Variants in TRMT6 observed in about 807,000 individuals in gnomAD.
The protein encoded by TRMT6 is tRNA methyltransferase 6 non-catalytic subunit, also known as tRNA (adenine(58)-N(1))-methyltransferase non-catalytic subunit TRM6.
TRMT6 carries 34 observed loss-of-function variants against 59.0 expected under a neutral mutation model. That is an observed-to-expected ratio of 0.58 (90% CI 0.44 to 0.77). The LOEUF is 0.77. Among genes scored for constraint, TRMT6 ranks in the 30% least tolerant of loss-of-function variants. The pLI is 0.00. For synonymous variants in TRMT6, 217 were observed against 210.5 expected (o/e 1.03, Z -0.27); for missense variants, 575 against 604.5 (o/e 0.95, Z 0.51).
At position 5,941,505 on chromosome 20, in the gene TRMT6, G is replaced by C. The variant is rs1332185481; in HGVS notation, c.1113-160C>G. ...GAAATCCAAAACAGAATACAATCAT[G>C]AGCTATTTCTTTCTAGGAAACGCGA... is the stretch of plus-strand genomic sequence containing the variant. On this transcript the variant is annotated intron_variant, in intron 8 of 10. Coordinates refer to ENST00000203001, the MANE Select transcript of TRMT6 (RefSeq NM_015939.5). The C allele has an allele frequency of 1.3e-5, 8 of 626,040 alleles. No homozygotes were observed. The East Asian group carries it at 2.2e-4, about 17-fold the overall frequency. 38.8% of individuals were successfully genotyped at this position (626,040 alleles called of 1,614,324 possible).
chr20:5,939,438 G>A (rs141766410), intron 10 of TRMT6, among the ~76,000 whole-genome samples: 10,129 of 149,284 alleles, frequency 0.068, 643 homozygotes, highest in East Asian at 0.24. Context: ...CCAAGATCGC[G>A]CCACTGCACC....
Position 5,946,442 on chromosome 20 carries a change from G to C in TRMT6, c.220C>G (p.Leu74Val). 1.2e-6 allele frequency: 2 copies of C among 1,614,132 alleles called. No individual in the cohort carries two copies. Among genetic ancestry groups the C allele is most frequent in the Non-Finnish European group, 1.7e-6 (2 of 1,180,020 alleles). ...TCTTCCCTCTTCTTCTTGGGCTGTA[G>C]ACTTCCTCCACTGGTCACTTCAAAT... ...TAFEVTSGGS[L>V]QPKKKREEPT... The change falls in exon 2 of 11, where the codon CTA becomes GTA. Residue 74 changes from leucine to valine, a missense_variant. Leu to Val is a conservative substitution (Grantham distance 32, BLOSUM62 1). Coordinates refer to ENST00000203001, the MANE Select transcript of TRMT6 (RefSeq NM_015939.5).
Position 5,942,719 on chromosome 20 carries a change from T to C in TRMT6, c.735A>G (p.Gly245=). 1 of 1,613,504 alleles carries C rather than the reference T, an allele frequency of 6.2e-7. No individual in the cohort carries two copies. The highest frequency in any genetic ancestry group is 1.3e-5 in the African/African-American group (1 of 74,848). Residue 245 remains glycine (G), a synonymous_variant, in exon 7 of 11, where the codon GGA becomes GGG. Transcript: ENST00000203001. ...GACCACTGAGAAAAGATTTGGGAAA[T>C]CCAAAACATGCTGTTGCTGCCCGAA... The part of the protein sequence containing the change: ...GPVRAATACF[G]FPKSFLSGLY...
chr20:5,949,940 G>A (rs1212251927), intron 1 of TRMT6, among the ~76,000 whole-genome samples: 1 of 152,092 alleles, frequency 6.6e-6, no homozygotes, highest in Admixed American at 6.6e-5. Context: ...GTGTGGAGAG[G>A]GAGGCATTGG....
In TRMT6 at chr20:5,944,733, T is replaced by C; in HGVS notation, c.366+72A>G. 6 of 1,158,784 alleles carry C rather than the reference T, an allele frequency of 5.2e-6. No individual in the cohort carries two copies. In the South Asian group the frequency reaches 7.8e-5, roughly 15 times the overall value. 71.8% of individuals were successfully genotyped at this position (1,158,784 alleles called of 1,614,324 possible). On this transcript the variant is annotated intron_variant, in intron 3 of 10. Transcript: ENST00000203001. ...TTTTTGTTTTACCTTAGGTACAGTC[T>C]GCTTTAAAAACCCAACAGTTTCCTA...
At chr20:5,950,239 T>TG (rs2030290757) in intron 1 of TRMT6, 39 bp downstream of exon 1, 1 of 1,514,190 alleles carries the variant, frequency 6.6e-7, no homozygotes, top group African/African-American at 1.5e-5. Context: ...ATCTACAAGG[T>TG]GGGGGCGGGA....
chr20:5,942,337 T>A (rs2088663894), intron 7 of TRMT6, 91 bp downstream of exon 7: 2 of 1,170,652 alleles, frequency 1.7e-6, no homozygotes, highest in African/African-American at 3.0e-5. Flanking sequence ...TGGGAGCTAA[T>A]ACACCAAAGC....
rs1247495673 is a variant in TRMT6 at position 5,938,330 on chromosome 20, A to ACATAT, written c.*204_*205insATATG. 3.7e-6 allele frequency: 2 copies of ACATAT among 534,648 alleles called. No homozygotes were observed. The highest frequency in any genetic ancestry group is 3.7e-5 in the African/African-American group (2 of 53,350). The allele number at this position is 534,648 out of a possible 1,614,324, so 33.1% of individuals were successfully genotyped here. A position where few individuals can be genotyped will look rare whatever the true frequency, so the allele number is the denominator to read the frequency against. ...TTTGTTAAATGCAGTTGGTCATACT[A>ACATAT]CATACCCCATGGTTGCAGTTTTGAC... On this transcript the variant is annotated 3_prime_UTR_variant, in exon 11 of 11. Coordinates refer to ENST00000203001, the MANE Select transcript of TRMT6 (RefSeq NM_015939.5).
chr20:5,943,110 G>A (rs926125920), intron 6 of TRMT6, among the ~76,000 whole-genome samples: 2 of 152,142 alleles, frequency 1.3e-5, no homozygotes, highest in Admixed American at 1.3e-4. Context: ...TCCTCAAATG[G>A]AGCAGTTACA....
rs933343202 is a variant in TRMT6, at chr20:5,944,251, T to C, written c.369A>G (p.Glu123=). The part of the protein sequence containing the change: ...ALKDKGIKGE[E]IVQQLIENST... Reference sequence around the variant, plus strand: ...TATTTTCAATTAACTGCTGAACTATTTCCTATAAGAAAAGGAGCAAGTAGA... The same window carrying C: ...TATTTTCAATTAACTGCTGAACTATCTCCTATAAGAAAAGGAGCAAGTAGA... Residue 123 remains glutamate (E), a splice_region_variant and synonymous_variant, in exon 4 of 11, where the codon GAA becomes GAG. Coordinates refer to ENST00000203001, the MANE Select transcript of TRMT6 (RefSeq NM_015939.5). 7.8e-6 allele frequency: 12 copies of C among 1,539,184 alleles called. No homozygotes were observed. The highest frequency in any genetic ancestry group is 1.1e-5 in the Non-Finnish European group (12 of 1,138,814).
rs2088627530 is a variant in TRMT6 at position 5,938,577 on chromosome 20, C to A, written c.1452G>T (p.Glu484Asp). The change falls in exon 11 of 11, where the codon GAG becomes GAT. Residue 484 changes from glutamate (E) to aspartate (D), a missense_variant. Physicochemically the swap from Glu to Asp is conservative, Grantham distance 45. Coordinates refer to ENST00000203001, the MANE Select transcript of TRMT6 (RefSeq NM_015939.5). The stretch of plus-strand genomic sequence containing the variant: ...GGCATTTTCGTTTTTTAGCTGCAGG[C>A]TCCTCAGTCTCGTGTGATTCTAAAG... Reference protein sequence around the residue: ...ASTLESHETEEPAAKKRKCPE... With the variant: ...ASTLESHETEDPAAKKRKCPE... 1 of 1,614,118 alleles carries A rather than the reference C, an allele frequency of 6.2e-7. No individual in the cohort carries two copies. The highest frequency in any genetic ancestry group is 8.5e-7 in the Non-Finnish European group (1 of 1,179,984).
In TRMT6 at chr20:5,942,408, G is replaced by T; in HGVS notation, c.1026+20C>A. On this transcript the variant is annotated intron_variant, in intron 7 of 10. Coordinates refer to ENST00000203001, the MANE Select transcript of TRMT6 (RefSeq NM_015939.5). ...AGGGACTGAGATTATGGGGGTGGTG[G>T]GGACTCTTGGCATCCTTACATAATC... The T allele has an allele frequency of 6.3e-7, 1 of 1,595,340 alleles. No individual in the cohort carries two copies. The highest frequency in any genetic ancestry group is 8.6e-7 in the Non-Finnish European group (1 of 1,163,392).
At chr20:5,950,054 G>A (rs1293746592) in intron 1 of TRMT6, among the ~76,000 whole-genome samples, 4 of 152,074 alleles carry the variant, frequency 2.6e-5, no homozygotes, top group African/African-American at 4.8e-5. Context: ...AGGGGGCTCC[G>A]GGAAAAACAG....
rs748972112 is a variant in TRMT6 at position 5,950,350 on chromosome 20, C to A, written c.56G>T (p.Arg19Leu). The A allele has an allele frequency of 6.2e-6, 10 of 1,611,786 alleles. No homozygotes were observed. The highest frequency in any genetic ancestry group is 8.5e-6 in the Non-Finnish European group (10 of 1,179,910). The change falls in exon 1 of 11, where the codon CGC becomes CTC. Residue 19 changes from arginine to leucine, a missense_variant. Physicochemically the swap from Arg to Leu is moderately radical, Grantham distance 102. Transcript: ENST00000203001. ...CACCACGAAGTCGCCGTCGCGGATG[C>A]GGTGGTCTCCGGGATGCTGTGGTTG... is the stretch of plus-strand genomic sequence containing the variant. Reference protein sequence around the residue: ...GPQPQHPGDHRIRDGDFVVLK... With the variant: ...GPQPQHPGDHLIRDGDFVVLK...
In TRMT6 at chr20:5,938,366, C is replaced by A; in HGVS notation, c.*169G>T. 1 of 677,836 alleles carries A rather than the reference C, an allele frequency of 1.5e-6. No homozygotes were observed. Among genetic ancestry groups the A allele is most frequent in the Non-Finnish European group, 2.4e-6 (1 of 417,564 alleles). 42.0% of individuals were successfully genotyped at this position (677,836 alleles called of 1,614,324 possible). A position where few individuals can be genotyped will look rare whatever the true frequency, so the allele number is the denominator to read the frequency against. Reference sequence around the variant, plus strand: ...GGTTGCAGTTTTGACAGACCAAATGCATCTGTGTCAGAAATAGACAAAAGG... The same window carrying A: ...GGTTGCAGTTTTGACAGACCAAATGAATCTGTGTCAGAAATAGACAAAAGG... On this transcript the variant is annotated 3_prime_UTR_variant, in exon 11 of 11. Coordinates refer to ENST00000203001, the MANE Select transcript of TRMT6 (RefSeq NM_015939.5).
intron 7 of TRMT6, 40 bp from the exon 8 acceptor site, chr20:5,942,076 T>C: frequency 3.9e-6 from 6 of 1,528,084 alleles, no homozygotes; most frequent in Non-Finnish European, 4.5e-6. Flanking sequence ...ACTGGGGTCT[T>C]TCAGTCAAAT....
rs1398695315 is a variant in TRMT6, at chr20:5,938,693, TCAG to T, written c.1333_1335del (p.Leu445del). ...AGAAGATAACCCCCACCTCCACTCA[TCAG>T]CAGTTTAGGATGACTTCGATCTGGC... On this transcript the variant is annotated inframe_deletion, in exon 11 of 11. Coordinates refer to ENST00000203001, the MANE Select transcript of TRMT6 (RefSeq NM_015939.5). 1 of 1,614,186 alleles carries T rather than the reference TCAG, an allele frequency of 6.2e-7. No homozygotes were observed.
In TRMT6 at chr20:5,938,733, A is replaced by G; in HGVS notation, c.1303-7T>C. The stretch of plus-strand genomic sequence containing the variant: ...GACTTCGATCTGGCAAAACCTAATC[A>G]AGACAGAAAAGACATTCATGCTTTC... On this transcript the variant is annotated splice_polypyrimidine_tract_variant and splice_region_variant and intron_variant, in intron 10 of 10. Coordinates refer to ENST00000203001, the MANE Select transcript of TRMT6 (RefSeq NM_015939.5). 6.2e-7 allele frequency: 1 copy of G among 1,611,362 alleles called. No homozygotes were observed. The highest frequency in any genetic ancestry group is 8.5e-7 in the Non-Finnish European group (1 of 1,178,412).
Position 5,938,520 on chromosome 20 carries a change from C to T in TRMT6, c.*15G>A, listed in dbSNP as rs775785354. 2 of 1,602,708 alleles carry T rather than the reference C, an allele frequency of 1.2e-6. No homozygotes were observed. Among genetic ancestry groups the T allele is most frequent in the East Asian group, 2.2e-5 (1 of 44,710 alleles). ...TAATGCCTGAGAACAAAATTCAGAG[C>T]AATTCTCAAAAGGGTTAAGAGTCAG... On this transcript the variant is annotated 3_prime_UTR_variant, in exon 11 of 11. Coordinates refer to ENST00000203001, the MANE Select transcript of TRMT6 (RefSeq NM_015939.5).
Sources: allele counts gnomAD v4.1 joint callset (sites outside exome capture counted in the v4.1 genomes callset), GRCh38; gene constraint gnomAD v4.1.1; transcripts MANE v1.5; gene names NCBI Gene and HGNC (gene_info 2026-07-23, HGNC 2026-07-21).